The following STAP1 variants were observed in gnomAD, a reference collection of about 807,000 sequenced individuals.
STAP1 encodes signal transducing adaptor family member 1, also known as signal-transducing adaptor protein 1.
In STAP1, 30 loss-of-function variants were observed where a neutral mutation model predicts 37.8. The observed-to-expected ratio is 0.79, with a 90% CI of 0.59 to 1.08. The LOEUF is 1.08. STAP1 is among the 50% of genes least tolerant of loss of function. The pLI is 0.00. For synonymous variants in STAP1, 130 were observed against 116.0 expected (o/e 1.12, Z -0.78); for missense variants, 357 against 349.4 (o/e 1.02, Z -0.17).
rs1180453334 is a variant in STAP1 at position 67,606,642 on chromosome 4, A to AT, written c.*292dup. 2.4e-5 allele frequency: 6 copies of AT among 245,554 alleles called. No homozygotes were observed. The highest frequency in any genetic ancestry group is 4.6e-5 in the Non-Finnish European group (6 of 129,566). The allele number at this position is 245,554 out of a possible 1,614,324, so 15.2% of individuals were successfully genotyped here. The stretch of plus-strand genomic sequence containing the variant: ...AAACACATAGTACTTTCTAGATGGA[A>AT]TTTTTTTCTTTAGGCCTCAATGAAA... On this transcript the variant is annotated 3_prime_UTR_variant, in exon 9 of 9. Coordinates refer to ENST00000265404, the MANE Select transcript of STAP1 (RefSeq NM_012108.4).
At chr4:67,576,250 C>T (rs1337932555) in intron 3 of STAP1, among the ~76,000 whole-genome samples, 3 of 152,164 alleles carry the variant, frequency 2.0e-5, no homozygotes, top group Non-Finnish European at 4.4e-5. Flanking sequence ...CCTAATCTCT[C>T]TTACCCTGCT....
intron 6 of STAP1, 130 bp from the exon 7 acceptor site, chr4:67,590,745 ATTTTTTTTT>A (rs66493617): frequency 2.9e-5 from 6 of 209,418 alleles, no homozygotes; most frequent in African/African-American, 5.6e-5. Context: ...ACCACGAAGG[ATTTTTTTTT>A]TTTTTTTTTT....
At chr4:67,588,169 A>G (rs1265585946) in intron 6 of STAP1, among the ~76,000 whole-genome samples, 1 of 152,088 alleles carries the variant, frequency 6.6e-6, no homozygotes, top group Non-Finnish European at 1.5e-5. Flanking sequence ...GAAAAGCAGA[A>G]CAAAACAGAA....
intron 1 of STAP1, 58 bp downstream of exon 1, chr4:67,558,987 T>G: frequency 2.7e-6 from 4 of 1,502,720 alleles, no homozygotes; most frequent in Non-Finnish European, 3.6e-6. Context: ...TAATATTTAT[T>G]TCATGGTGAT....
chr4:67,567,874 C>A (rs1168841879), intron 1 of STAP1, among the ~76,000 whole-genome samples: 1 of 152,184 alleles, frequency 6.6e-6, no homozygotes, highest in African/African-American at 2.4e-5. Context: ...CATAGCCAAG[C>A]AAGCCCAGAT....
chr4:67,575,530 G>C, intron 3 of STAP1, 32 bp downstream of exon 3: 1 of 1,479,986 alleles, frequency 6.8e-7, no homozygotes, highest in Non-Finnish European at 9.3e-7. Flanking sequence ...TCTGTAAAGG[G>C]TTGTGGTTAT....
chr4:67,581,045 G>A (rs971279048), intron 4 of STAP1, among the ~76,000 whole-genome samples: 1 of 152,226 alleles, frequency 6.6e-6, no homozygotes, highest in African/African-American at 2.4e-5. Flanking sequence ...AAGGCGGGGT[G>A]TTCTTTGCTT....
At chr4:67,569,138 G>A (rs1727542422) in intron 1 of STAP1, among the ~76,000 whole-genome samples, 1 of 152,170 alleles carries the variant, frequency 6.6e-6, no homozygotes, top group Non-Finnish European at 1.5e-5. Flanking sequence ...AACCTGTATA[G>A]CATGTTATTG....
chr4:67,560,160 GT>G lies in STAP1; in HGVS notation c.120+1239del, dbSNP rs570127508. On this transcript the variant is annotated intron_variant, in intron 1 of 8. Coordinates refer to ENST00000265404, the MANE Select transcript of STAP1 (RefSeq NM_012108.4). Reference sequence around the variant, plus strand: ...TTTATAATAACTGTTTATGATAGCAGTTTTTTTTAAATGCTTAAAGAAGACA... The same window carrying G: ...TTTATAATAACTGTTTATGATAGCAGTTTTTTTAAATGCTTAAAGAAGACA... Among the ~76,000 whole-genome samples the G allele has an allele frequency of 2.5e-3, 386 of 152,096 alleles. 2 individuals are homozygous for G. The highest frequency in any genetic ancestry group is 8.8e-3 in the African/African-American group (366 of 41,490).
Position 67,581,374 on chromosome 4 carries a change from G to C in STAP1, c.433G>C (p.Glu145Gln). The change falls in exon 5 of 9, where the codon GAA becomes CAA. Residue 145 changes from glutamate (E) to glutamine (Q), a missense_variant. Physicochemically the swap from Glu to Gln is conservative, Grantham distance 29. Transcript: ENST00000265404. ...TAAACTGCATGAAGTCCTAGAGAGA[G>C]AAAAGAAAAGGAGGATTGAGACAGA... ...VIKLHEVLEREKKRRIETEQS... is the reference protein window; with the variant it reads ...VIKLHEVLERQKKRRIETEQS... 1.2e-6 allele frequency: 2 copies of C among 1,614,064 alleles called. No individual in the cohort carries two copies. Among genetic ancestry groups the C allele is most frequent in the Non-Finnish European group, 1.7e-6 (2 of 1,179,960 alleles).
At chr4:67,576,164 C>T (rs1011260915) in intron 3 of STAP1, among the ~76,000 whole-genome samples, 1 of 152,106 alleles carries the variant, frequency 6.6e-6, no homozygotes, top group African/African-American at 2.4e-5. Context: ...AGATGAAACC[C>T]CCTCACCAAG....
At position 67,574,947 on chromosome 4, in the gene STAP1, G is replaced by A. The variant is rs545202479; in HGVS notation, c.193-438G>A. On this transcript the variant is annotated intron_variant, in intron 2 of 8. Transcript: ENST00000265404. ...ATGACCTCACGGAGCATGTAGTTGG[G>A]AAGAAAAGCACAGTAGCACAGTATT... 4.6e-5 allele frequency among the ~76,000 whole-genome samples: 7 copies of A among 152,194 alleles called. No individual in the cohort carries two copies. In the South Asian group the frequency reaches 1.5e-3, roughly 32 times the overall value.
intron 4 of STAP1, 34 bp downstream of exon 4, chr4:67,577,293 T>C: frequency 6.3e-7 from 1 of 1,579,132 alleles, no homozygotes; most frequent in Non-Finnish European, 8.6e-7. Context: ...TGATTCTTTT[T>C]TTTTTTCAAC....
Position 67,575,492 on chromosome 4 carries a change from A to G in STAP1, c.300A>G (p.Gln100=), listed in dbSNP as rs1359033959. ...FTLVLPKEEV[Q]LKTENTESGE... ...TTGTTTTGCCGAAAGAGGAAGTACA[A>G]CTGAAGGTGAGCGAGGAGAAACAGT... The change falls in exon 3 of 9, where the codon CAA becomes CAG. Residue 100 remains glutamine, a synonymous_variant. Coordinates refer to ENST00000265404, the MANE Select transcript of STAP1 (RefSeq NM_012108.4). 6.2e-7 allele frequency: 1 copy of G among 1,607,344 alleles called. No individual in the cohort carries two copies. The highest frequency in any genetic ancestry group is 8.5e-7 in the Non-Finnish European group (1 of 1,176,420).
At chr4:67,593,728 G>A (rs747852516) in intron 8 of STAP1, among the ~76,000 whole-genome samples, 1 of 152,186 alleles carries the variant, frequency 6.6e-6, no homozygotes, top group Admixed American at 6.5e-5. Context: ...CGTTAGATGC[G>A]TAATACAGGA....
rs149341049 is a variant in STAP1, at chr4:67,587,013, T to C, written c.659+3311T>C. Among the ~76,000 whole-genome samples the C allele has an allele frequency of 4.6e-4, 70 of 152,364 alleles. 1 individual carries two copies. Among genetic ancestry groups the C allele is most frequent in the African/African-American group, 1.7e-3 (69 of 41,590 alleles). On this transcript the variant is annotated intron_variant, in intron 6 of 8. Transcript: ENST00000265404. Reference sequence around the variant, plus strand: ...ATTTTCCTTACATGCCAAATCCATCTATGATGTCAAAGTTTGTTAAATGTA... The same window carrying C: ...ATTTTCCTTACATGCCAAATCCATCCATGATGTCAAAGTTTGTTAAATGTA...
chr4:67,576,646 A>G (rs746419377), intron 3 of STAP1, among the ~76,000 whole-genome samples: 2 of 152,132 alleles, frequency 1.3e-5, no homozygotes, highest in Non-Finnish European at 2.9e-5. Flanking sequence ...AGCTGACACC[A>G]CCACAACAGG....
At chr4:67,592,407 T>C (rs1728138660) in intron 7 of STAP1, among the ~76,000 whole-genome samples, 1 of 152,210 alleles carries the variant, frequency 6.6e-6, no homozygotes. Flanking sequence ...GACCGGCAAA[T>C]TATCCTGTTA....
chr4:67,590,977 T>TTGA, intron 7 of STAP1, 24 bp downstream of exon 7: 2 of 1,586,416 alleles, frequency 1.3e-6, no homozygotes, highest in Non-Finnish European at 1.7e-6. Flanking sequence ...TTTGTTGTTG[T>TTGA]TGATGAACTT....
Sources: allele counts gnomAD v4.1 joint callset (sites outside exome capture counted in the v4.1 genomes callset), GRCh38; gene constraint gnomAD v4.1.1; transcripts MANE v1.5; gene names NCBI Gene and HGNC (gene_info 2026-07-23, HGNC 2026-07-21).